GALNT10: variants seen among roughly 807,000 people sequenced by gnomAD.
GALNT10 encodes the protein polypeptide N-acetylgalactosaminyltransferase 10.
A neutral mutation model predicts 75.0 loss-of-function variants in GALNT10; 41 were observed. The ratio of observed to expected loss-of-function variants is 0.55; its 90% CI spans 0.43 to 0.71. The LOEUF is 0.71. Ranked by LOEUF, GALNT10 falls within the 30% of genes least tolerant of loss-of-function variation. The pLI, the probability that GALNT10 is intolerant of heterozygous loss-of-function variation, is 0.00. For synonymous variants in GALNT10, 302 were observed against 313.0 expected (o/e 0.96, Z 0.37); for missense variants, 727 against 818.5 (o/e 0.89, Z 1.36).
intron 1 of GALNT10, among the ~76,000 whole-genome samples, chr5:154,254,220 A>G (rs1161431578): frequency 6.6e-6 from 1 of 152,042 alleles, no homozygotes; most frequent in East Asian, 1.9e-4. Context: ...CTTGTTAGCA[A>G]ATTTGGTTGT....
intron 4 of GALNT10, among the ~76,000 whole-genome samples, chr5:154,345,042 G>A (rs1465527611): frequency 6.6e-6 from 1 of 152,172 alleles, no homozygotes; most frequent in Non-Finnish European, 1.5e-5. Context: ...GTGCTCAGAA[G>A]GCAAATCTGC....
chr5:154,341,206 G>A (rs1755027761), intron 4 of GALNT10, among the ~76,000 whole-genome samples: 1 of 152,162 alleles, frequency 6.6e-6, no homozygotes. Context: ...AGCCTTTGGG[G>A]ATCCTCAATG....
chr5:154,238,957 A>G (rs1316769925), intron 1 of GALNT10, among the ~76,000 whole-genome samples: 2 of 152,092 alleles, frequency 1.3e-5, no homozygotes, highest in African/African-American at 4.8e-5. Flanking sequence ...TCCTTGTAGA[A>G]CTGAGGAAGC....
At chr5:154,264,394 T>C (rs1346138637) in intron 1 of GALNT10, among the ~76,000 whole-genome samples, 3 of 151,358 alleles carry the variant, frequency 2.0e-5, no homozygotes, top group Admixed American at 2.0e-4. Context: ...TTTATATCAA[T>C]GTGATAATAG....
At chr5:154,269,175 G>A (rs564970497) in intron 1 of GALNT10, among the ~76,000 whole-genome samples, 2 of 151,442 alleles carry the variant, frequency 1.3e-5, no homozygotes, top group African/African-American at 4.9e-5. Context: ...TAGTAGAGAC[G>A]GGGTTTCACC....
chr5:154,231,250 C>T (rs1468945859), intron 1 of GALNT10, among the ~76,000 whole-genome samples: 1 of 152,138 alleles, frequency 6.6e-6, no homozygotes, highest in African/African-American at 2.4e-5. Flanking sequence ...TATAATGCAT[C>T]CTCTTATTTT....
chr5:154,254,639 G>T (rs928277847), intron 1 of GALNT10, among the ~76,000 whole-genome samples: 23 of 151,850 alleles, frequency 1.5e-4, no homozygotes, highest in African/African-American at 5.1e-4. Flanking sequence ...CCCCAGGAAG[G>T]CAAGCATACT....
chr5:154,193,695 A>G lies in GALNT10; in HGVS notation c.159+2670A>G, dbSNP rs536536744. On this transcript the variant is annotated intron_variant, in intron 1 of 11. Coordinates refer to ENST00000297107, the MANE Select transcript of GALNT10 (RefSeq NM_198321.4). Reference sequence around the variant, plus strand: ...AAAATGTGTTCCATATGGGTTTGAAAGAAGATTCTTTGAGAGTAACATATC... The same window carrying G: ...AAAATGTGTTCCATATGGGTTTGAAGGAAGATTCTTTGAGAGTAACATATC... Among the ~76,000 whole-genome samples the G allele has an allele frequency of 2.6e-5, 4 of 152,350 alleles. No individual in the cohort carries two copies. In the East Asian group the frequency reaches 7.7e-4, roughly 29 times the overall value.
intron 1 of GALNT10, among the ~76,000 whole-genome samples, chr5:154,261,629 A>G (rs554843452): frequency 2.8e-4 from 42 of 152,308 alleles, no homozygotes; most frequent in African/African-American, 1.0e-3. Context: ...AATGGAAGGA[A>G]GGAACCAGAG....
rs375900060 is a variant in GALNT10 at position 154,417,017 on chromosome 5, T to C, written c.*45T>C. 2.8e-5 allele frequency: 44 copies of C among 1,571,242 alleles called. No individual in the cohort carries two copies. The African/African-American group carries it at 5.1e-4, about 18-fold the overall frequency. On this transcript the variant is annotated 3_prime_UTR_variant, in exon 12 of 12. Coordinates refer to ENST00000297107, the MANE Select transcript of GALNT10 (RefSeq NM_198321.4). ...AGGCCCCCCAGGGTCTGGCACTCAC[T>C]GCAGACTTCCTCTTTCAAGGGAGGC...
intron 3 of GALNT10, among the ~76,000 whole-genome samples, chr5:154,322,984 T>C (rs1754697508): frequency 6.6e-6 from 1 of 152,128 alleles, no homozygotes; most frequent in Non-Finnish European, 1.5e-5. Context: ...AGCATAAAAA[T>C]TTCCCTCATC....
chr5:154,229,059 T>G (rs1472079618), intron 1 of GALNT10, among the ~76,000 whole-genome samples: 1 of 152,260 alleles, frequency 6.6e-6, no homozygotes, highest in Non-Finnish European at 1.5e-5. Context: ...CTTTTTATAT[T>G]GTTAGGAATG....
chr5:154,352,121 A>G lies in GALNT10; in HGVS notation c.568+22383A>G, dbSNP rs1561669122. On this transcript the variant is annotated intron_variant, in intron 4 of 11. Coordinates refer to ENST00000297107, the MANE Select transcript of GALNT10 (RefSeq NM_198321.4). This position sits in a 1 kb window ranked among gnomAD's most constrained non-coding sequence, Gnocchi z 4.4. Reference sequence around the variant, plus strand: ...AATATTTATGAAATACCCACTCTGTATCTGTTTACCAGATACCTGAGTTTC... The same window carrying G: ...AATATTTATGAAATACCCACTCTGTGTCTGTTTACCAGATACCTGAGTTTC... Among the ~76,000 whole-genome samples the G allele has an allele frequency of 1.3e-5, 2 of 152,372 alleles. No homozygotes were observed. The highest frequency in any genetic ancestry group is 3.9e-4 in the East Asian group (2 of 5,194).
At chr5:154,363,492 GAAAAAAAAA>G (rs57710576) in intron 4 of GALNT10, among the ~76,000 whole-genome samples, 1 of 37,534 alleles carries the variant, frequency 2.7e-5, no homozygotes. Flanking sequence ...GCGTTTATCT[GAAAAAAAAA>G]AAAAAAAAAA....
chr5:154,343,895 C>A (rs1463202207), intron 4 of GALNT10, among the ~76,000 whole-genome samples: 1 of 152,160 alleles, frequency 6.6e-6, no homozygotes, highest in African/African-American at 2.4e-5. Context: ...TATCAGGGCA[C>A]CCCAGGTCTT....
At chr5:154,218,046 G>A in intron 1 of GALNT10, 3 of 985,148 alleles carry the variant, frequency 3.0e-6, no homozygotes, top group Non-Finnish European at 2.4e-6. Context: ...CCCCACCCCA[G>A]CCTGGGCACT....
At chr5:154,330,846 C>T (rs567859821) in intron 4 of GALNT10, among the ~76,000 whole-genome samples, 3 of 151,936 alleles carry the variant, frequency 2.0e-5, no homozygotes, top group South Asian at 4.2e-4. Context: ...CCCATCGCCC[C>T]GTTTTAATAC....
At chr5:154,254,706 G>T (rs6873164) in intron 1 of GALNT10, among the ~76,000 whole-genome samples, 1 of 151,804 alleles carries the variant, frequency 6.6e-6, no homozygotes, top group Non-Finnish European at 1.5e-5. Context: ...GCATTGTATT[G>T]AGAAGATGTC....
intron 4 of GALNT10, among the ~76,000 whole-genome samples, chr5:154,345,141 C>A (rs962991267): frequency 6.6e-6 from 1 of 152,094 alleles, no homozygotes; most frequent in African/African-American, 2.4e-5. Context: ...AAAACTCATC[C>A]TCCCCCCACC....
Sources: allele counts gnomAD v4.1 joint callset (sites outside exome capture counted in the v4.1 genomes callset), GRCh38; gene constraint gnomAD v4.1.1; non-coding constraint Gnocchi (gnomAD v3.1); transcripts MANE v1.5; gene names NCBI Gene and HGNC (gene_info 2026-07-23, HGNC 2026-07-21).